The following PTK2 variants were observed in gnomAD, a reference collection of about 807,000 sequenced individuals.
PTK2 encodes focal adhesion kinase 1.
Under a neutral mutation model 150.1 loss-of-function variants are expected in PTK2, and 45 were observed. The observed-to-expected ratio is 0.30, with a 90% confidence interval of 0.24 to 0.38. PTK2 has a LOEUF of 0.38. Among genes scored for constraint, PTK2 ranks in the 10% least tolerant of loss-of-function variants. The pLI, the probability that PTK2 is intolerant of heterozygous loss-of-function variation, is 1.00. For synonymous variants in PTK2, 432 were observed against 449.2 expected (o/e 0.96, Z 0.48); for missense variants, 919 against 1,307.3 (o/e 0.70, Z 4.58).
At chr8:140,892,105 G>A (rs1157480851) in intron 2 of PTK2, among the ~76,000 whole-genome samples, 1 of 152,222 alleles carries the variant, frequency 6.6e-6, no homozygotes, top group Non-Finnish European at 1.5e-5. Context: ...CTACTCAGGA[G>A]GCTAAGGTGG....
intron 5 of PTK2, among the ~76,000 whole-genome samples, chr8:140,849,199 G>A (rs918680828): frequency 1.3e-5 from 2 of 152,116 alleles, no homozygotes; most frequent in Non-Finnish European, 2.9e-5. Context: ...TCTGCAAAGA[G>A]TATAGATCTG....
At chr8:140,681,574 G>C (rs902982127) in intron 27 of PTK2, among the ~76,000 whole-genome samples, 12 of 151,860 alleles carry the variant, frequency 7.9e-5, no homozygotes, top group Non-Finnish European at 1.8e-4. Flanking sequence ...TCAGGAGATC[G>C]AGACCATCCC....
chr8:140,714,129 C>T (rs1483983104), intron 23 of PTK2, among the ~76,000 whole-genome samples: 1 of 152,150 alleles, frequency 6.6e-6, no homozygotes, highest in Non-Finnish European at 1.5e-5. Flanking sequence ...CTCAAGTGAT[C>T]CCCCTACCTC....
rs753752917 is a variant in PTK2 at position 140,752,365 on chromosome 8, T to C, written c.1333-49A>G. ...CACACACACATGCAAAAAGGTTTGC[T>C]ATATTAATTGATTCATGAAAACCTG... On this transcript the variant is annotated intron_variant, in intron 16 of 31. Transcript: ENST00000522684. 12 of 1,532,848 alleles carry C rather than the reference T, an allele frequency of 7.8e-6. No homozygotes were observed. In the South Asian group the frequency reaches 9.0e-5, roughly 12 times the overall value. The allele number at this position is 1,532,848 out of a possible 1,614,324, so 95.0% of individuals were successfully genotyped here.
At chr8:140,915,426 T>C (rs186223832) in intron 2 of PTK2, among the ~76,000 whole-genome samples, 2 of 152,140 alleles carry the variant, frequency 1.3e-5, no homozygotes, top group African/African-American at 2.4e-5. Context: ...CATACATACA[T>C]ACATAGGGTG....
At chr8:140,728,975 A>G (rs919896407) in intron 22 of PTK2, among the ~76,000 whole-genome samples, 2 of 152,172 alleles carry the variant, frequency 1.3e-5, no homozygotes, top group Admixed American at 6.5e-5. Flanking sequence ...AGGTGTTGCT[A>G]TAATAGCTTG....
chr8:141,001,095 C>CGCGCCCCGCGCCCG (rs1288057482), intron 1 of PTK2, 30 bp downstream of exon 1: 1 of 151,464 alleles, frequency 6.6e-6, no homozygotes, highest in Non-Finnish European at 1.5e-5. Flanking sequence ...GCCCCCGACC[C>CGCGCCCCGCGCCCG]GCGCCCCGCG....
At chr8:140,710,066 C>T (rs117233048) in intron 23 of PTK2, among the ~76,000 whole-genome samples, 5,387 of 152,164 alleles carry the variant, frequency 0.035, 244 homozygotes, top group African/African-American at 0.1. Flanking sequence ...GTAATCTCAG[C>T]ACTTTGGAAG....
At chr8:140,708,853 G>C (rs1262664965) in intron 23 of PTK2, among the ~76,000 whole-genome samples, 1 of 151,982 alleles carries the variant, frequency 6.6e-6, no homozygotes, top group Admixed American at 6.6e-5. Context: ...GCAGGGGAAA[G>C]GGTTTTCTGA....
chr8:140,991,868 G>C (rs2100195807), intron 1 of PTK2, among the ~76,000 whole-genome samples: 1 of 152,130 alleles, frequency 6.6e-6, no homozygotes, highest in African/African-American at 2.4e-5. Context: ...AATCAGCTAG[G>C]CGTAGTGGCA....
At chr8:140,947,627 T>G (rs2100178134) in intron 1 of PTK2, among the ~76,000 whole-genome samples, 1 of 152,130 alleles carries the variant, frequency 6.6e-6, no homozygotes, top group South Asian at 2.1e-4. Context: ...TATGCAAGTT[T>G]TTTTTTTTAA....
In PTK2 at chr8:140,764,299, A is replaced by G. The variant is rs199507549; in HGVS notation, c.1178-9T>C. The G allele has an allele frequency of 2.8e-5, 45 of 1,599,500 alleles. No homozygotes were observed. The East Asian group carries it at 4.9e-4, about 17-fold the overall frequency. ...AGCATAATCATCTGTTTCTGCAGGA[A>G]AAGAAACAGATATGTTGAAAGAGGT... On this transcript the variant is annotated splice_polypyrimidine_tract_variant and intron_variant, in intron 14 of 31. Coordinates refer to ENST00000522684, the Ensembl canonical transcript of PTK2.
chr8:140,696,348 G>C (rs1165639263), intron 26 of PTK2, among the ~76,000 whole-genome samples: 1 of 152,212 alleles, frequency 6.6e-6, no homozygotes, highest in Non-Finnish European at 1.5e-5. Context: ...GAGAAAGAGA[G>C]TGAGAGTGAG....
chr8:140,801,038 A>C (rs1426739789), intron 11 of PTK2, among the ~76,000 whole-genome samples: 1 of 152,246 alleles, frequency 6.6e-6, no homozygotes, highest in East Asian at 1.9e-4. Flanking sequence ...TGTTCGCCCA[A>C]GGGCTTAGAA....
intron 5 of PTK2, among the ~76,000 whole-genome samples, chr8:140,858,271 C>G (rs184055167): frequency 2.6e-5 from 4 of 151,616 alleles, no homozygotes; most frequent in Admixed American, 2.6e-4. Context: ...CTGAGGAGTT[C>G]TAACATAGAT....
At chr8:140,893,869 G>T (rs1316192891) in intron 2 of PTK2, among the ~76,000 whole-genome samples, 1 of 152,108 alleles carries the variant, frequency 6.6e-6, no homozygotes, top group Non-Finnish European at 1.5e-5. Flanking sequence ...CTGTCATTTG[G>T]TAAGGATGTG....
rs151076142 is a variant in PTK2, at chr8:140,742,672, T to C, written c.1735+558A>G. Among the ~76,000 whole-genome samples, 11 of 152,346 alleles carry C rather than the reference T, an allele frequency of 7.2e-5. No individual in the cohort carries two copies. In the East Asian group the frequency reaches 2.1e-3, roughly 29 times the overall value. On this transcript the variant is annotated intron_variant, in intron 20 of 31. Transcript: ENST00000522684. ...TATATCCTCTTCAATGAAATGTCTC[T>C]TCCTATTTTTTTGCCCATTTCTAAG...
At chr8:140,668,983 C>T (rs1184259330) in intron 29 of PTK2, 2 of 153,512 alleles carry the variant, frequency 1.3e-5, no homozygotes, top group African/African-American at 4.8e-5. Flanking sequence ...CAGGTCGTGA[C>T]TGAAGTCAAA....
At chr8:140,896,733 T>C (rs73714778) in intron 2 of PTK2, among the ~76,000 whole-genome samples, 3,398 of 150,464 alleles carry the variant, frequency 0.023, 144 homozygotes, top group African/African-American at 0.08. Context: ...CGTACAGCAT[T>C]GTTCTGGAAG....
Sources: gnomAD v4.1 joint callset for allele counts (sites outside exome capture counted in the v4.1 genomes callset) on GRCh38, gnomAD v4.1.1 for gene constraint, MANE v1.5 for transcripts, NCBI Gene and HGNC (gene_info 2026-07-23, HGNC 2026-07-21) for gene names.